The following DLGAP1 variants were observed in gnomAD, a reference collection of about 807,000 sequenced individuals.
DLGAP1 encodes DLG associated protein 1.
A neutral mutation model predicts 90.8 loss-of-function variants in DLGAP1; 11 were observed. That is an observed-to-expected ratio of 0.12 (90% CI 0.08 to 0.20). The LOEUF is 0.20. DLGAP1 is among the 10% of genes least tolerant of loss of function. DLGAP1 has a pLI of 1.00. For synonymous variants in DLGAP1, 558 were observed against 540.7 expected (o/e 1.03, Z -0.44); for missense variants, 1,050 against 1,333.8 (o/e 0.79, Z 3.31).
chr18:4,019,377 C>T (rs191054458), intron 2 of DLGAP1, among the ~76,000 whole-genome samples: 4 of 151,996 alleles, frequency 2.6e-5, no homozygotes, highest in South Asian at 2.1e-4. Flanking sequence ...TAAACACTTC[C>T]GTCGCTTAAG....
intron 2 of DLGAP1, among the ~76,000 whole-genome samples, chr18:4,123,832 T>C (rs1033220419): frequency 1.1e-4 from 17 of 152,154 alleles, no homozygotes; most frequent in African/African-American, 3.9e-4. Flanking sequence ...TGTGGGTTGG[T>C]TTTGCCCCTG....
chr18:3,567,418 A>T (rs1179878606), intron 9 of DLGAP1, 72 bp downstream of exon 9: 1 of 1,300,226 alleles, frequency 7.7e-7, no homozygotes, highest in African/African-American at 1.5e-5. Context: ...TTGTAGACTT[A>T]TCACGGGGAA....
At chr18:3,761,871 G>A (rs1349396138) in intron 5 of DLGAP1, among the ~76,000 whole-genome samples, 2 of 152,162 alleles carry the variant, frequency 1.3e-5, no homozygotes. Flanking sequence ...ACAGTGCCTG[G>A]TCTCAGTCCC....
At chr18:4,191,743 G>C (rs545410569) in intron 1 of DLGAP1, among the ~76,000 whole-genome samples, 224 of 152,278 alleles carry the variant, frequency 1.5e-3, no homozygotes, top group African/African-American at 5.3e-3. Context: ...CACATTCTAA[G>C]CCTCTGTAGT....
At chr18:3,535,957 T>C (rs62083991) in intron 9 of DLGAP1, among the ~76,000 whole-genome samples, 53,466 of 151,454 alleles carry the variant, frequency 0.35, 9,499 homozygotes, top group East Asian at 0.46. Context: ...ATCGCTTGAA[T>C]CCAGGAAACG....
chr18:4,385,579 T>C (rs1460814423), intron 1 of DLGAP1, among the ~76,000 whole-genome samples: 2 of 151,912 alleles, frequency 1.3e-5, no homozygotes, highest in African/African-American at 4.8e-5. Flanking sequence ...TATAAATAAA[T>C]AAAACAAGCG....
At chr18:4,337,755 G>A (rs2081102806) in intron 1 of DLGAP1, among the ~76,000 whole-genome samples, 1 of 152,026 alleles carries the variant, frequency 6.6e-6, no homozygotes, top group African/African-American at 2.4e-5. Context: ...GAACATTACT[G>A]GCAGTATTGG....
At chr18:4,037,083 T>C (rs1313388640) in intron 2 of DLGAP1, among the ~76,000 whole-genome samples, 1 of 152,114 alleles carries the variant, frequency 6.6e-6, no homozygotes, top group Non-Finnish European at 1.5e-5. Flanking sequence ...GAAGTGATAA[T>C]TGGCTGGCAC....
At chr18:3,512,437 G>A (rs2050596888) in intron 10 of DLGAP1, among the ~76,000 whole-genome samples, 1 of 152,094 alleles carries the variant, frequency 6.6e-6, no homozygotes, top group South Asian at 2.1e-4. Flanking sequence ...TATTTAAGAA[G>A]TAAGCACTCT....
intron 1 of DLGAP1, among the ~76,000 whole-genome samples, chr18:4,344,604 A>G (rs963465753): frequency 6.6e-6 from 1 of 152,240 alleles, no homozygotes; most frequent in African/African-American, 2.4e-5. Flanking sequence ...AAATATTTGT[A>G]CAATCACTTA....
chr18:4,096,579 T>A (rs556734939), intron 2 of DLGAP1, among the ~76,000 whole-genome samples: 2 of 152,258 alleles, frequency 1.3e-5, no homozygotes, highest in East Asian at 1.9e-4. Context: ...CATCCCTGAA[T>A]GAAGAGTGAG....
chr18:4,367,713 G>A (rs751174211), intron 1 of DLGAP1, among the ~76,000 whole-genome samples: 6 of 152,158 alleles, frequency 3.9e-5, no homozygotes, highest in East Asian at 3.9e-4. Context: ...GCTGGGCGTC[G>A]TGGCAGGCAC....
In DLGAP1 at chr18:4,269,166, A is replaced by G. The variant is rs553243633; in HGVS notation, c.-266-117879T>C. Among the ~76,000 whole-genome samples, 5 of 151,746 alleles carry G rather than the reference A, an allele frequency of 3.3e-5. No homozygotes were observed. In the East Asian group the frequency reaches 9.7e-4, roughly 29 times the overall value. On this transcript the variant is annotated intron_variant, in intron 1 of 12. Coordinates refer to ENST00000315677, the MANE Select transcript of DLGAP1 (RefSeq NM_004746.4). ...TGAATTTCTCCCATATTGCAGTAAG[A>G]TATAGTAAATGTATCCAACAAACGC...
intron 4 of DLGAP1, among the ~76,000 whole-genome samples, chr18:3,871,282 T>C (rs942536178): frequency 1.3e-5 from 2 of 152,066 alleles, no homozygotes; most frequent in East Asian, 1.9e-4. Context: ...AGATGAAAAA[T>C]AGATAGGAAG....
intron 2 of DLGAP1, among the ~76,000 whole-genome samples, chr18:4,019,801 G>A (rs897737495): frequency 2.1e-5 from 3 of 144,432 alleles, no homozygotes; most frequent in Non-Finnish European, 4.5e-5. Context: ...ACACATAGGC[G>A]CGCGCGTGTG....
In DLGAP1 at chr18:4,000,964, A is replaced by G. The variant is rs2074172534; in HGVS notation, c.-73+4152T>C. On this transcript the variant is annotated intron_variant, in intron 3 of 12. Transcript: ENST00000315677. ...AAGTGTATTTTTATGTCAGAAAAGC[A>G]GTCTTTGAATTATAATTGATAATAT... is the stretch of plus-strand genomic sequence containing the variant. Among the ~76,000 whole-genome samples the G allele has an allele frequency of 2.6e-5, 4 of 152,178 alleles. No individual in the cohort carries two copies. In the South Asian group the frequency reaches 8.3e-4, roughly 31 times the overall value.
intron 7 of DLGAP1, among the ~76,000 whole-genome samples, chr18:3,657,664 G>T (rs1041566347): frequency 2.0e-5 from 3 of 149,216 alleles, no homozygotes; most frequent in Non-Finnish European, 4.4e-5. Context: ...GTGCAGTGGC[G>T]CGATCTCGGC....
intron 1 of DLGAP1, among the ~76,000 whole-genome samples, chr18:4,358,078 C>T (rs1262607270): frequency 6.6e-6 from 1 of 152,172 alleles, no homozygotes; most frequent in African/African-American, 2.4e-5. Flanking sequence ...CAAATCTTTA[C>T]AAAAGGCCTA....
At chr18:4,314,774 AGGAT>A (rs2080484900) in intron 1 of DLGAP1, among the ~76,000 whole-genome samples, 1 of 152,186 alleles carries the variant, frequency 6.6e-6, no homozygotes, top group African/African-American at 2.4e-5. Context: ...CTATTTTCAT[AGGAT>A]GGTACGTTAG....
Sources: allele counts gnomAD v4.1 joint callset (sites outside exome capture counted in the v4.1 genomes callset), GRCh38; gene constraint gnomAD v4.1.1; transcripts MANE v1.5; gene names NCBI Gene and HGNC (gene_info 2026-07-23, HGNC 2026-07-21).